Variants in MYO16 observed in about 807,000 individuals in gnomAD.
The protein encoded by MYO16 is unconventional myosin-XVI.
A neutral mutation model predicts 205.3 loss-of-function variants in MYO16; 94 were observed. That is an observed-to-expected ratio of 0.46 (90% CI 0.39 to 0.54). The LOEUF is 0.54. Among genes scored for constraint, MYO16 ranks in the 20% least tolerant of loss-of-function variants. The pLI is 0.00. For missense variants in MYO16, 2,315 were observed against 2,387.5 expected, an observed-to-expected ratio of 0.97 and a Z score of 0.63; for synonymous variants, 988 against 954.0, an observed-to-expected ratio of 1.04 and a Z score of -0.66.
chr13:108,574,669 T>TTTTGTG, the MYO16 span, among the ~76,000 whole-genome samples: 1 of 136,460 alleles, frequency 7.3e-6, no homozygotes, highest in African/African-American at 2.8e-5. Flanking sequence ...CAATAACAAT[T>TTTTGTG]TGTGTGTGTG....
At chr13:108,667,315 GTTTTGTTTT>G (rs1328613398) in intron 2 of MYO16, among the ~76,000 whole-genome samples, 1 of 118,296 alleles carries the variant, frequency 8.5e-6, no homozygotes, top group African/African-American at 3.2e-5. Flanking sequence ...GAGAATTTCT[GTTTTGTTTT>G]TTTTTTTTTT....
chr13:108,526,237 T>C, the MYO16 span, among the ~76,000 whole-genome samples: 155 of 152,334 alleles, frequency 1.0e-3, no homozygotes, highest in African/African-American at 3.7e-3. Context: ...GCTTCCAAAA[T>C]CAATTATAAA....
At chr13:108,645,038 A>T (rs79523548) in intron 1 of MYO16, among the ~76,000 whole-genome samples, 6,852 of 152,254 alleles carry the variant, frequency 0.045, 187 homozygotes, top group South Asian at 0.13. Flanking sequence ...CACCCCCAGG[A>T]AACAGTAGCA....
intron 3 of MYO16, among the ~76,000 whole-genome samples, chr13:108,717,878 A>G (rs1042911012): frequency 1.3e-5 from 2 of 152,192 alleles, no homozygotes; most frequent in African/African-American, 2.4e-5. Flanking sequence ...TTTACAAATG[A>G]CTTGAACATT....
At chr13:108,528,546 TCTCTCCTCTCCTCTC>T in the MYO16 span, among the ~76,000 whole-genome samples, 2 of 104,438 alleles carry the variant, frequency 1.9e-5, no homozygotes, top group African/African-American at 8.5e-5. Context: ...TTTTATTTTG[TCTCTCCTCTCCTCTC>T]CTCTCCTCTC....
At chr13:108,963,718 A>C (rs921030889) in intron 19 of MYO16, among the ~76,000 whole-genome samples, 1 of 152,166 alleles carries the variant, frequency 6.6e-6, no homozygotes, top group Non-Finnish European at 1.5e-5. Flanking sequence ...AAGCATCTTG[A>C]AGACATTGTT....
At chr13:109,004,465 C>T (rs1451913373) in intron 21 of MYO16, among the ~76,000 whole-genome samples, 3 of 152,044 alleles carry the variant, frequency 2.0e-5, no homozygotes, top group Non-Finnish European at 2.9e-5. Context: ...ATTTCTGAAG[C>T]AAAGTGAAAT....
At chr13:108,832,851 T>C (rs1876699887) in intron 9 of MYO16, among the ~76,000 whole-genome samples, 1 of 152,156 alleles carries the variant, frequency 6.6e-6, no homozygotes, top group Non-Finnish European at 1.5e-5. Flanking sequence ...ATATTACAAC[T>C]ACATTGTTAA....
intron 4 of MYO16, among the ~76,000 whole-genome samples, chr13:108,781,316 C>T (rs947230702): frequency 3.9e-5 from 6 of 152,176 alleles, no homozygotes; most frequent in Admixed American, 6.5e-5. Context: ...GGTTTAAGTC[C>T]AGGTTCCAGC....
intron 13 of MYO16, among the ~76,000 whole-genome samples, chr13:108,886,688 G>T (rs905455459): frequency 1.6e-5 from 2 of 125,712 alleles, no homozygotes; most frequent in Middle Eastern, 7.4e-3. Context: ...CTCTTCCACC[G>T]CAGGCTTGTT....
intron 31 of MYO16, among the ~76,000 whole-genome samples, chr13:109,135,023 A>G (rs1012899489): frequency 2.6e-5 from 4 of 152,122 alleles, no homozygotes; most frequent in African/African-American, 9.7e-5. Context: ...AACCAGATCC[A>G]CATGTGCCGG....
chr13:108,942,581 C>T, intron 16 of MYO16, among the ~76,000 whole-genome samples: 1 of 152,268 alleles, frequency 6.6e-6, no homozygotes, highest in Non-Finnish European at 1.5e-5. Flanking sequence ...GTGCATATCA[C>T]TATTCTGTAT....
Position 109,161,164 on chromosome 13 carries a change from G to A in MYO16, c.5165-3737G>A, listed in dbSNP as rs550463723. The stretch of plus-strand genomic sequence containing the variant: ...AGGAGAACCCCAAAGTGGGGATGTC[G>A]ATACTGAAGCCGCAGCACTATTGCA... On this transcript the variant is annotated intron_variant, in intron 32 of 34. Transcript: ENST00000457511. Among the ~76,000 whole-genome samples the A allele has an allele frequency of 2.1e-4, 32 of 152,362 alleles. 1 individual carries two copies. Among genetic ancestry groups the A allele is most frequent in the African/African-American group, 6.3e-4 (26 of 41,582 alleles).
chr13:108,701,517 C>G (rs368327019), intron 2 of MYO16, among the ~76,000 whole-genome samples: 1 of 151,970 alleles, frequency 6.6e-6, no homozygotes, highest in African/African-American at 2.4e-5. Flanking sequence ...ATATGCTGGC[C>G]CCTTGATTTT....
chr13:109,027,624 G>A (rs556012576), intron 23 of MYO16, among the ~76,000 whole-genome samples: 1 of 151,980 alleles, frequency 6.6e-6, no homozygotes, highest in East Asian at 1.9e-4. Context: ...CTTTGAGGAG[G>A]ATAAGGACCC....
At chr13:108,809,191 G>T (rs1026492451) in intron 7 of MYO16, among the ~76,000 whole-genome samples, 1 of 152,106 alleles carries the variant, frequency 6.6e-6, no homozygotes, top group African/African-American at 2.4e-5. Context: ...TCATTTATTC[G>T]TGATAAGTCA....
intron 4 of MYO16, among the ~76,000 whole-genome samples, chr13:108,747,487 T>C: frequency 6.6e-6 from 1 of 152,118 alleles, no homozygotes; most frequent in East Asian, 1.9e-4. Context: ...TAGTTAAAAA[T>C]GTATATTGGA....
chr13:108,591,650 G>C (rs1212189496), upstream of MYO16, among the ~76,000 whole-genome samples: 1 of 152,076 alleles, frequency 6.6e-6, no homozygotes, highest in African/African-American at 2.4e-5. Context: ...GAAAAAAAAA[G>C]TATTTGAAAT....
chr13:108,710,002 GC>G (rs1166191626), intron 2 of MYO16, among the ~76,000 whole-genome samples: 1 of 83,532 alleles, frequency 1.2e-5, no homozygotes, highest in Non-Finnish European at 2.7e-5. Context: ...GGAGGAAGAA[GC>G]CTTTCTTCCT....
Sources: gnomAD v4.1 joint callset for allele counts (sites outside exome capture counted in the v4.1 genomes callset) on GRCh38, gnomAD v4.1.1 for gene constraint, MANE v1.5 for transcripts, NCBI Gene and HGNC (gene_info 2026-07-23, HGNC 2026-07-21) for gene names.